ENPP3: variants seen among roughly 807,000 people sequenced by gnomAD.
ENPP3 encodes ectonucleotide pyrophosphatase/phosphodiesterase 3, also known as ectonucleotide pyrophosphatase/phosphodiesterase family member 3.
In ENPP3, 104 loss-of-function variants were observed where a neutral mutation model predicts 117.8. That is an observed-to-expected ratio of 0.88 (90% CI 0.75 to 1.04). The LOEUF is 1.04. Among genes scored for constraint, ENPP3 ranks in the 50% least tolerant of loss-of-function variants. The probability of loss-of-function intolerance (pLI) is 0.00; values close to 1 mark genes in which losing one functional copy is unlikely to be tolerated. For synonymous variants in ENPP3, 380 were observed against 349.9 expected (o/e 1.09, Z -0.96); for missense variants, 1,026 against 1,051.9 (o/e 0.98, Z 0.34).
At chr6:131,732,092 CAT>C (rs1456692065) in intron 20 of ENPP3, among the ~76,000 whole-genome samples, 3 of 152,172 alleles carry the variant, frequency 2.0e-5, no homozygotes. Flanking sequence ...TTTCAGACAA[CAT>C]AGCTAATTTT....
chr6:131,722,881 C>T (rs748445398), intron 18 of ENPP3, among the ~76,000 whole-genome samples: 2 of 152,120 alleles, frequency 1.3e-5, no homozygotes, highest in Non-Finnish European at 2.9e-5. Flanking sequence ...TGACAGTTGA[C>T]ACTGGGAAGG....
intron 17 of ENPP3, among the ~76,000 whole-genome samples, 196 bp from the exon 18 acceptor site, chr6:131,722,031 T>C (rs1418553164): frequency 1.3e-5 from 2 of 152,180 alleles, no homozygotes; most frequent in Non-Finnish European, 2.9e-5. Context: ...CTAGTTCTAT[T>C]CTTTAGCAAG....
intron 12 of ENPP3, among the ~76,000 whole-genome samples, chr6:131,683,384 T>G (rs1216424022): frequency 6.6e-6 from 1 of 152,182 alleles, no homozygotes; most frequent in Non-Finnish European, 1.5e-5. Context: ...ACAGACACTA[T>G]GTTTTGTAAA....
At chr6:131,714,801 G>GTCCTCCACAGCTA in intron 15 of ENPP3, among the ~76,000 whole-genome samples, 1 of 150,392 alleles carries the variant, frequency 6.6e-6, no homozygotes, top group Non-Finnish European at 1.5e-5. Context: ...GGTTACTTAG[G>GTCCTCCACAGCTA]GTAATAGGTT....
Position 131,722,408 on chromosome 6 carries a change from A to G in ENPP3, c.1746+3A>G, listed in dbSNP as rs767378070. On this transcript the variant is annotated splice_donor_region_variant and intron_variant, in intron 18 of 24. Transcript: ENST00000357639. ...GTTTCTGCCCTCACCTACAAAATGT[A>G]AGTAACAACTTCATGCATCCATAAG... 1 of 1,611,854 alleles carries G rather than the reference A, an allele frequency of 6.2e-7. No homozygotes were observed. The highest frequency in any genetic ancestry group is 8.5e-7 in the Non-Finnish European group (1 of 1,178,990).
At chr6:131,727,533 C>G (rs1234104433) in intron 20 of ENPP3, among the ~76,000 whole-genome samples, 1 of 100,952 alleles carries the variant, frequency 9.9e-6, no homozygotes, top group Non-Finnish European at 1.8e-5. Context: ...CCAGCCTGAG[C>G]AACAACAGTG....
chr6:131,741,372 A>G (rs1267794093), intron 24 of ENPP3, among the ~76,000 whole-genome samples: 2 of 152,212 alleles, frequency 1.3e-5, no homozygotes, highest in Non-Finnish European at 2.9e-5. Flanking sequence ...TAGTCAGTCA[A>G]TAATACAAGA....
chr6:131,658,334 C>A lies in ENPP3; in HGVS notation c.476C>A (p.Pro159Gln). 6.2e-7 allele frequency: 1 copy of A among 1,604,656 alleles called. No individual in the cohort carries two copies. The highest frequency in any genetic ancestry group is 8.5e-7 in the Non-Finnish European group (1 of 1,171,858). The change falls in exon 6 of 25, where the codon CCA (proline) becomes CAA (glutamine). Residue 159 changes from proline (P) to glutamine (Q), a missense_variant. Pro to Gln is a moderately conservative substitution (Grantham distance 76). Coordinates refer to ENST00000357639, the MANE Select transcript of ENPP3 (RefSeq NM_005021.5). ...QSQCPEGFDLPPVILFSMDGF... is the reference protein window; with the variant it reads ...QSQCPEGFDLQPVILFSMDGF... ...TTTTCCATTTTCAGGTTTGACCTGC[C>A]ACCAGTTATCTTGTTTTCTATGGAT...
At chr6:131,668,059 C>T (rs1778654645) in intron 6 of ENPP3, among the ~76,000 whole-genome samples, 1 of 151,968 alleles carries the variant, frequency 6.6e-6, no homozygotes, top group South Asian at 2.1e-4. Flanking sequence ...AATGAAAGTA[C>T]CTATTTTCAG....
At chr6:131,692,899 TGATATATAGTTATATATTATA>T in intron 14 of ENPP3, among the ~76,000 whole-genome samples, 1 of 146,238 alleles carries the variant, frequency 6.8e-6, no homozygotes, top group African/African-American at 2.5e-5. Context: ...ACACTATATA[TGATATATAGTTATATATTATA>T]CACTATATAT....
At chr6:131,649,403 C>T (rs144014702) in intron 2 of ENPP3, among the ~76,000 whole-genome samples, 25 of 152,294 alleles carry the variant, frequency 1.6e-4, no homozygotes, top group African/African-American at 5.8e-4. Flanking sequence ...CATCATAACC[C>T]ATCTGCTGTT....
At chr6:131,661,455 T>C (rs1778497573) in intron 6 of ENPP3, among the ~76,000 whole-genome samples, 2 of 152,144 alleles carry the variant, frequency 1.3e-5, no homozygotes, top group Non-Finnish European at 1.5e-5. Flanking sequence ...ATTTTTATTT[T>C]TAATTATTGT....
intron 8 of ENPP3, among the ~76,000 whole-genome samples, chr6:131,674,768 C>T (rs956513079): frequency 6.6e-6 from 1 of 151,800 alleles, no homozygotes; most frequent in African/African-American, 2.4e-5. Context: ...GATGGGGTTT[C>T]ACCATGTTGG....
In ENPP3 at chr6:131,733,706, G is replaced by C. The variant is rs1230373067; in HGVS notation, c.2072G>C (p.Gly691Ala). 2 of 1,613,982 alleles carry C rather than the reference G, an allele frequency of 1.2e-6. No homozygotes were observed. The highest frequency in any genetic ancestry group is 2.2e-5 in the South Asian group (2 of 91,070). Reference protein sequence around the residue: ...FYLADKNITHGFLYPPASNRT... With the variant: ...FYLADKNITHAFLYPPASNRT... ...TTAGCAGACAAGAATATCACCCACG[G>C]CTTCCTCTATCCTCCTGGTTAGTAG... is the stretch of plus-strand genomic sequence containing the variant. Residue 691 changes from glycine to alanine, a missense_variant, in exon 21 of 25, where the codon GGC becomes GCC. Physicochemically the swap from Gly to Ala is moderately conservative, Grantham distance 60. Coordinates refer to ENST00000357639, the MANE Select transcript of ENPP3 (RefSeq NM_005021.5).
chr6:131,696,766 C>T (rs1206650871), intron 15 of ENPP3, among the ~76,000 whole-genome samples: 1 of 145,918 alleles, frequency 6.9e-6, no homozygotes, highest in Non-Finnish European at 1.5e-5. Flanking sequence ...CTACCCAGAG[C>T]ACCTTTTTTT....
chr6:131,691,228 GC>G (rs1310547921), intron 14 of ENPP3, among the ~76,000 whole-genome samples: 1 of 152,054 alleles, frequency 6.6e-6, no homozygotes, highest in Non-Finnish European at 1.5e-5. Context: ...GCATGAAGTG[GC>G]AACTTTTTAA....
chr6:131,739,304 C>T (rs1780471585), intron 23 of ENPP3, among the ~76,000 whole-genome samples: 3 of 152,070 alleles, frequency 2.0e-5, no homozygotes. Flanking sequence ...CTTTCATGTT[C>T]GTTATCTGAA....
At chr6:131,719,082 G>C (rs1169820765) in intron 16 of ENPP3, among the ~76,000 whole-genome samples, 1 of 152,018 alleles carries the variant, frequency 6.6e-6, no homozygotes, top group Non-Finnish European at 1.5e-5. Flanking sequence ...GGGAAATAAA[G>C]AAAAAGTAAA....
rs1163481487 is a variant in ENPP3 at position 131,717,349 on chromosome 6, GGGGTGTGTGTGTGTGTGTGT to G, written c.1413-1321_1413-1302del. 6.8e-4 allele frequency among the ~76,000 whole-genome samples: 86 copies of G among 127,022 alleles called. 5 individuals carry two copies. Among genetic ancestry groups the G allele is most frequent in the African/African-American group, 2.3e-3 (72 of 30,772 alleles). 83.3% of individuals were successfully genotyped at this position (127,022 alleles called of 152,430 possible). On this transcript the variant is annotated intron_variant, in intron 15 of 24. Transcript: ENST00000357639. ...GTAAAAACAAACAGAAACCCTGCGG[GGGGTGTGTGTGTGTGTGTGT>G]GTGTGTGTGTGTGTGTGTGTGTGTG...
Sources: gnomAD v4.1 joint callset for allele counts (sites outside exome capture counted in the v4.1 genomes callset) on GRCh38, gnomAD v4.1.1 for gene constraint, MANE v1.5 for transcripts, NCBI Gene and HGNC (gene_info 2026-07-23, HGNC 2026-07-21) for gene names.